The following LUZP2 variants were observed in gnomAD, a reference collection of about 807,000 sequenced individuals.
LUZP2 encodes the protein leucine zipper protein 2.
A neutral mutation model predicts 51.6 loss-of-function variants in LUZP2; 52 were observed. The ratio of observed to expected loss-of-function variants is 1.01; its 90% confidence interval spans 0.81 to 1.27. LUZP2 has a LOEUF of 1.27. LUZP2 is among the 50% of genes most tolerant of loss of function. The pLI, the probability that LUZP2 is intolerant of heterozygous loss-of-function variation, is 0.00. For synonymous variants in LUZP2, 154 were observed against 137.3 expected (o/e 1.12, Z -0.85); for missense variants, 436 against 395.4 (o/e 1.10, Z -0.87).
chr11:25,061,041 A>T (rs151199840), intron 10 of LUZP2, among the ~76,000 whole-genome samples: 229 of 152,282 alleles, frequency 1.5e-3, no homozygotes, highest in Non-Finnish European at 1.7e-3. Flanking sequence ...TTCCAATAAG[A>T]TATCAAAGTC....
chr11:24,843,302 T>G (rs1458545693), intron 5 of LUZP2, among the ~76,000 whole-genome samples: 1 of 152,122 alleles, frequency 6.6e-6, no homozygotes, highest in Non-Finnish European at 1.5e-5. Flanking sequence ...CCAAAACTTA[T>G]TATAACAAAT....
At chr11:24,918,691 G>C (rs1426091334) in intron 7 of LUZP2, among the ~76,000 whole-genome samples, 8 of 150,784 alleles carry the variant, frequency 5.3e-5, no homozygotes, top group Non-Finnish European at 1.5e-5. Context: ...TCAAAAAAGT[G>C]TCAAAAAATA....
chr11:25,078,146 G>A (rs1859368901), intron 11 of LUZP2, among the ~76,000 whole-genome samples: 1 of 152,118 alleles, frequency 6.6e-6, no homozygotes, highest in Non-Finnish European at 1.5e-5. Context: ...ATAAACACAA[G>A]TCAAGAGCTT....
intron 1 of LUZP2, among the ~76,000 whole-genome samples, chr11:24,531,059 T>C (rs1850978471): frequency 6.8e-6 from 1 of 146,532 alleles, no homozygotes; most frequent in Non-Finnish European, 1.5e-5. Context: ...TTATTATTAT[T>C]ATTATTTTGC....
intron 10 of LUZP2, among the ~76,000 whole-genome samples, chr11:25,069,490 C>G (rs1438606371): frequency 6.6e-6 from 1 of 151,546 alleles, no homozygotes; most frequent in Non-Finnish European, 1.5e-5. Flanking sequence ...ATTTTCAAAC[C>G]CCAGCTACAC....
chr11:24,982,251 T>A (rs1390398421), intron 8 of LUZP2, among the ~76,000 whole-genome samples: 1 of 151,874 alleles, frequency 6.6e-6, no homozygotes, highest in Non-Finnish European at 1.5e-5. Flanking sequence ...AGCCATCCCG[T>A]TACTGGGTAT....
intron 9 of LUZP2, among the ~76,000 whole-genome samples, chr11:24,986,567 G>A (rs1429477847): frequency 7.0e-6 from 1 of 143,828 alleles, no homozygotes; most frequent in Non-Finnish European, 1.5e-5. Flanking sequence ...GTGTGTGTGT[G>A]TAACATTTAA....
chr11:24,500,733 C>T (rs967797085), intron 1 of LUZP2, among the ~76,000 whole-genome samples: 1 of 152,046 alleles, frequency 6.6e-6, no homozygotes, highest in African/African-American at 2.4e-5. Context: ...GGTCTATTGA[C>T]TTCTGGTGGT....
intron 5 of LUZP2, among the ~76,000 whole-genome samples, chr11:24,855,824 A>G (rs1400685456): frequency 1.3e-5 from 2 of 152,142 alleles, no homozygotes; most frequent in African/African-American, 4.8e-5. Context: ...CAGCAAACTA[A>G]TGTTTGACAA....
chr11:24,948,139 A>G (rs1854950390), intron 7 of LUZP2, among the ~76,000 whole-genome samples: 1 of 151,436 alleles, frequency 6.6e-6, no homozygotes, highest in Admixed American at 6.6e-5. Context: ...CAATTGTATT[A>G]TCTCTATTCA....
intron 2 of LUZP2, 73 bp from the exon 3 acceptor site, chr11:24,732,045 T>C (rs909150151): frequency 1.4e-5 from 16 of 1,163,724 alleles, no homozygotes; most frequent in Non-Finnish European, 2.0e-5. Flanking sequence ...TATCTAGTAC[T>C]CTAGAACCAA....
Position 24,510,147 on chromosome 11 carries a change from C to T in LUZP2, c.62+12842C>T, listed in dbSNP as rs928758410. Among the ~76,000 whole-genome samples the T allele has an allele frequency of 2.0e-5, 3 of 152,196 alleles. No individual in the cohort carries two copies. In the South Asian group the frequency reaches 6.2e-4, roughly 31 times the overall value. ...TTCCCCATTCACAACACCAAAGTTGCTTTGGAACCTTGAAAGTTGGGGTGC... is the reference window on the plus strand; with the variant it reads ...TTCCCCATTCACAACACCAAAGTTGTTTTGGAACCTTGAAAGTTGGGGTGC... On this transcript the variant is annotated intron_variant, in intron 1 of 11. Coordinates refer to ENST00000336930, the MANE Select transcript of LUZP2 (RefSeq NM_001009909.4).
intron 5 of LUZP2, among the ~76,000 whole-genome samples, chr11:24,828,648 C>G (rs1277176192): frequency 1.3e-5 from 2 of 151,574 alleles, no homozygotes; most frequent in African/African-American, 4.9e-5. Context: ...TGTGTCATAA[C>G]CTGCGTGAAT....
At chr11:25,017,125 G>GT (rs1484301929) in intron 9 of LUZP2, among the ~76,000 whole-genome samples, 1 of 151,886 alleles carries the variant, frequency 6.6e-6, no homozygotes, top group Non-Finnish European at 1.5e-5. Flanking sequence ...GGGATTATTT[G>GT]TTTTTTCTTG....
chr11:25,064,827 C>T (rs943121515), intron 10 of LUZP2, among the ~76,000 whole-genome samples: 7 of 152,016 alleles, frequency 4.6e-5, no homozygotes, highest in African/African-American at 1.7e-4. Flanking sequence ...CATGATGGCC[C>T]TTGAAACATT....
intron 7 of LUZP2, among the ~76,000 whole-genome samples, chr11:24,955,182 A>G (rs1419747418): frequency 6.6e-6 from 1 of 151,568 alleles, no homozygotes; most frequent in Non-Finnish European, 1.5e-5. Flanking sequence ...TTTGAAAGAC[A>G]TATTGATAGT....
intron 1 of LUZP2, among the ~76,000 whole-genome samples, chr11:24,652,442 CT>C (rs1205180504): frequency 2.0e-5 from 3 of 151,950 alleles, no homozygotes; most frequent in African/African-American, 7.2e-5. Flanking sequence ...ATGAAGAATG[CT>C]TAGGTTCACA....
At chr11:24,548,199 A>T (rs898212161) in intron 1 of LUZP2, among the ~76,000 whole-genome samples, 1 of 152,038 alleles carries the variant, frequency 6.6e-6, no homozygotes, top group Non-Finnish European at 1.5e-5. Flanking sequence ...TTCATTACTG[A>T]ATATATCCCC....
intron 10 of LUZP2, among the ~76,000 whole-genome samples, chr11:25,076,167 T>G (rs537876460): frequency 6.6e-6 from 1 of 152,096 alleles, no homozygotes; most frequent in Non-Finnish European, 1.5e-5. Context: ...CACAGGCATG[T>G]GCCACCACAC....
Sources: gnomAD v4.1 joint callset for allele counts (sites outside exome capture counted in the v4.1 genomes callset) on GRCh38, gnomAD v4.1.1 for gene constraint, MANE v1.5 for transcripts, NCBI Gene and HGNC (gene_info 2026-07-23, HGNC 2026-07-21) for gene names.